The following CRY1 variants were observed in gnomAD, a reference collection of about 807,000 sequenced individuals.
The protein encoded by CRY1 is cryptochrome circadian regulator 1.
In CRY1, 45 loss-of-function variants were observed where a neutral mutation model predicts 76.0. The ratio of observed to expected loss-of-function variants is 0.59; its 90% CI spans 0.47 to 0.76. The LOEUF (loss-of-function observed/expected upper bound fraction) is 0.76. CRY1 is among the 30% of genes least tolerant of loss of function. The pLI, the probability that CRY1 is intolerant of heterozygous loss-of-function variation, is 0.00. For missense variants in CRY1, 587 were observed against 716.4 expected (o/e 0.82, Z 2.06); for synonymous variants, 248 against 244.0 (o/e 1.02, Z -0.15).
intron 2 of CRY1, among the ~76,000 whole-genome samples, chr12:107,010,376 A>G (rs1952430014): frequency 6.6e-6 from 1 of 152,196 alleles, no homozygotes; most frequent in East Asian, 1.9e-4. Context: ...AGCAATTTGA[A>G]CATGAAAAAT....
chr12:107,081,445 T>C (rs933298016), intron 1 of CRY1, among the ~76,000 whole-genome samples: 4 of 152,050 alleles, frequency 2.6e-5, no homozygotes, highest in African/African-American at 9.7e-5. Context: ...CCTCTTCCTT[T>C]AGGTCCCTGT....
At position 107,048,776 on chromosome 12, in the gene CRY1, GCTCT is replaced by G. The variant is rs562255545; in HGVS notation, c.159-26588_159-26585del. Among the ~76,000 whole-genome samples the G allele has an allele frequency of 1.1e-3, 168 of 152,158 alleles. 3 individuals are homozygous for G. Among genetic ancestry groups the G allele is most frequent in the South Asian group, 6.8e-3 (33 of 4,818 alleles). On this transcript the variant is annotated intron_variant, in intron 1 of 12. Transcript: ENST00000008527. ...TAATATTTTCATTTGAGTATTTAAA[GCTCT>G]CTGTCAAAATTCCCTATTGTATTCA... is the stretch of plus-strand genomic sequence containing the variant.
rs565261560 is a variant in CRY1 at position 107,062,171 on chromosome 12, T to G, written c.158+30633A>C. 7.2e-5 allele frequency among the ~76,000 whole-genome samples: 11 copies of G among 152,234 alleles called. No homozygotes were observed. The South Asian group carries it at 2.3e-3, about 32-fold the overall frequency. ...CAGAAGTAACTTTTTATTGACATCG[T>G]ATTATGAATAAATGTTTTCATCTCA... On this transcript the variant is annotated intron_variant, in intron 1 of 12. Transcript: ENST00000008527.
chr12:106,994,721 T>A (rs1415798250), intron 10 of CRY1, among the ~76,000 whole-genome samples: 1 of 152,216 alleles, frequency 6.6e-6, no homozygotes, highest in Non-Finnish European at 1.5e-5. Context: ...TAAGAAGCAG[T>A]CTGTGCCATC....
At chr12:107,015,154 G>A (rs1593503740) in intron 2 of CRY1, among the ~76,000 whole-genome samples, 2 of 152,310 alleles carry the variant, frequency 1.3e-5, no homozygotes, top group South Asian at 4.1e-4. Context: ...GGGATTACAG[G>A]CGTGAGCCAC....
intron 1 of CRY1, among the ~76,000 whole-genome samples, chr12:107,037,569 G>A (rs1023630803): frequency 2.0e-5 from 3 of 152,086 alleles, no homozygotes; most frequent in Non-Finnish European, 4.4e-5. Context: ...GTTCTACTGG[G>A]AGTCAATCAC....
At chr12:107,025,914 T>C (rs1952603254) in intron 1 of CRY1, among the ~76,000 whole-genome samples, 1 of 151,308 alleles carries the variant, frequency 6.6e-6, no homozygotes, top group Admixed American at 6.6e-5. Context: ...TCTCCTGGAA[T>C]GTGCTCCAGG....
chr12:107,083,921 T>C (rs1172241601), intron 1 of CRY1, among the ~76,000 whole-genome samples: 1 of 152,210 alleles, frequency 6.6e-6, no homozygotes, highest in East Asian at 1.9e-4. Context: ...GATGACATGA[T>C]TGTATATTTA....
At chr12:107,021,853 C>T (rs537034853) in intron 2 of CRY1, among the ~76,000 whole-genome samples, 10 of 152,014 alleles carry the variant, frequency 6.6e-5, no homozygotes, top group East Asian at 1.9e-4. Context: ...GGGAGGGCAA[C>T]GAGCAGTTTA....
At chr12:107,065,482 C>T (rs1290747998) in intron 1 of CRY1, among the ~76,000 whole-genome samples, 1 of 151,798 alleles carries the variant, frequency 6.6e-6, no homozygotes, top group Non-Finnish European at 1.5e-5. Flanking sequence ...GTAATCCCAG[C>T]TACTCGGGAG....
At chr12:107,013,650 T>C (rs1372807688) in intron 2 of CRY1, among the ~76,000 whole-genome samples, 2 of 152,088 alleles carry the variant, frequency 1.3e-5, no homozygotes, top group Admixed American at 6.6e-5. Flanking sequence ...AAACAGGAGA[T>C]AAGGCTACAC....
At chr12:107,087,600 T>C (rs982270836) in intron 1 of CRY1, among the ~76,000 whole-genome samples, 2 of 152,270 alleles carry the variant, frequency 1.3e-5, no homozygotes, top group Non-Finnish European at 2.9e-5. Context: ...TGTTCCACCA[T>C]TGTATCTTAA....
rs1952253921 is a variant in CRY1 at position 106,998,028 on chromosome 12, T to G, written c.1176A>C (p.Ile392=). 1 of 1,614,138 alleles carries G rather than the reference T, an allele frequency of 6.2e-7. No individual in the cohort carries two copies. Residue 392 remains isoleucine, a synonymous_variant, in exon 8 of 13, where the codon ATA becomes ATC. Transcript: ENST00000008527. ...EELLLDADWS[I]NAGSWMWLSC... ...ACAGCCACATCCAACTTCCAGCATT[T>G]ATGCTCCAATCTGCATCAAGCAATA...
At chr12:107,017,823 T>C (rs1012584401) in intron 2 of CRY1, among the ~76,000 whole-genome samples, 2 of 152,212 alleles carry the variant, frequency 1.3e-5, no homozygotes, top group African/African-American at 2.4e-5. Flanking sequence ...TCACTCTTCA[T>C]ATGCTTGCTC....
chr12:107,009,563 CATAT>C (rs869185018), intron 2 of CRY1, among the ~76,000 whole-genome samples: 43 of 90,948 alleles, frequency 4.7e-4, no homozygotes, highest in African/African-American at 1.2e-3. Flanking sequence ...AACAAAAAAA[CATAT>C]ATATATATAT....
At chr12:107,091,063 G>C (rs544168966) in intron 1 of CRY1, among the ~76,000 whole-genome samples, 1 of 147,854 alleles carries the variant, frequency 6.8e-6, no homozygotes, top group Non-Finnish European at 1.5e-5. Flanking sequence ...TTTTTCTTGC[G>C]ACAGAGTACT....
intron 1 of CRY1, chr12:107,073,189 G>C (rs961536555): frequency 1.1e-4 from 16 of 151,920 alleles, no homozygotes; most frequent in Admixed American, 5.9e-4. Flanking sequence ...ATAAAAGTTT[G>C]AATACAAAAA....
chr12:107,092,773 C>G (rs1314098211), intron 1 of CRY1, 31 bp downstream of exon 1: 3 of 1,609,608 alleles, frequency 1.9e-6, no homozygotes, highest in Non-Finnish European at 2.5e-6. Context: ...ATTAAACACC[C>G]AAATCCATTT....
At position 107,021,156 on chromosome 12, in the gene CRY1, G is replaced by A. The variant is rs146929202; in HGVS notation, c.267+928C>T. Among the ~76,000 whole-genome samples, 454 of 152,140 alleles carry A rather than the reference G, an allele frequency of 3.0e-3. 2 individuals are homozygous for A. Among genetic ancestry groups the A allele is most frequent in the African/African-American group, 9.1e-3 (379 of 41,502 alleles). On this transcript the variant is annotated intron_variant, in intron 2 of 12. Transcript: ENST00000008527. ...AAATTAGCCAGGCATGGTGGCGTGC[G>A]CCAGTAATCCCAGCTACTCAGGAAG...
Sources: allele counts gnomAD v4.1 joint callset (sites outside exome capture counted in the v4.1 genomes callset), GRCh38; gene constraint gnomAD v4.1.1; transcripts MANE v1.5; gene names NCBI Gene and HGNC (gene_info 2026-07-23, HGNC 2026-07-21).